Variants in CDC34 observed in about 807,000 individuals in gnomAD.
CDC34 encodes ubiquitin-conjugating enzyme E2 R1.
Under a neutral mutation model 26.8 loss-of-function variants are expected in CDC34, and 18 were observed. The observed-to-expected ratio is 0.67, with a 90% CI of 0.47 to 1.00. CDC34 has a LOEUF of 1.00. Ranked by LOEUF, CDC34 falls within the 50% of genes least tolerant of loss-of-function variation. CDC34 has a pLI of 0.00. For missense variants in CDC34, 280 were observed against 334.5 expected (o/e 0.84, Z 1.27); for synonymous variants, 178 against 147.5 (o/e 1.21, Z -1.50).
chr19:538,961 G>GGCCACCTCCCTGAGGC (rs1979889213), intron 4 of CDC34: 2 of 985,276 alleles, frequency 2.0e-6, no homozygotes, highest in African/African-American at 3.5e-5. Flanking sequence ...GGTTCTTCCC[G>GGCCACCTCCCTGAGGC]GCCACCTCCC....
rs1270054401 is a variant in CDC34 at position 537,608 on chromosome 19, TC to T, written c.497+464del. ...ACCTCGTGATCCATCTGCCTCGGCC[TC>T]CCAAAGTGCAGGGATTACAGGCGTG... On this transcript the variant is annotated intron_variant, in intron 4 of 4. Coordinates refer to ENST00000215574, the MANE Select transcript of CDC34 (RefSeq NM_004359.2). Among the ~76,000 whole-genome samples the T allele has an allele frequency of 3.2e-4, 46 of 141,850 alleles. 1 individual carries two copies. The Admixed American group carries it at 3.3e-3, about 10-fold the overall frequency. The allele number at this position is 141,850 out of a possible 152,430, so 93.1% of individuals were successfully genotyped here.
chr19:531,836 T>G lies in CDC34; in HGVS notation c.-96T>G, dbSNP rs1979499206. ...GGAGGCAGGCGGCGGCCCCGGTGGCTCCCCCCCGGACGGTGCGCGGCCCGG... is the reference window on the plus strand; with the variant it reads ...GGAGGCAGGCGGCGGCCCCGGTGGCGCCCCCCCGGACGGTGCGCGGCCCGG... On this transcript the variant is annotated 5_prime_UTR_variant, in exon 1 of 5. Coordinates refer to ENST00000215574, the MANE Select transcript of CDC34 (RefSeq NM_004359.2). 1.4e-6 allele frequency: 1 copy of G among 705,886 alleles called. No individual in the cohort carries two copies. The highest frequency in any genetic ancestry group is 6.4e-5 in the South Asian group (1 of 15,508). The allele number at this position is 705,886 out of a possible 1,614,324, so 43.7% of individuals were successfully genotyped here.
intron 4 of CDC34, 58 bp from the exon 5 acceptor site, chr19:541,269 GGGGAGGGGGGCC>G: frequency 6.8e-7 from 1 of 1,459,898 alleles, no homozygotes. Flanking sequence ...GTCGGACCTG[GGGGAGGGGGGCC>G]GGGCAGGGGC....
intron 4 of CDC34, among the ~76,000 whole-genome samples, chr19:537,518 A>T: frequency 6.6e-6 from 1 of 151,798 alleles, no homozygotes; most frequent in East Asian, 1.9e-4. Flanking sequence ...ACGCCCGGCT[A>T]ATTTTTTGTA....
chr19:539,369 G>A (rs1417647516), intron 4 of CDC34, among the ~76,000 whole-genome samples: 1 of 145,700 alleles, frequency 6.9e-6, no homozygotes, highest in Admixed American at 7.0e-5. Context: ...CGTCCACCCT[G>A]GCCCTCCCCT....
intron 1 of CDC34, 32 bp from the exon 2 acceptor site, chr19:535,805 T>G: frequency 1.9e-6 from 3 of 1,569,162 alleles, no homozygotes; most frequent in Non-Finnish European, 2.6e-6. Flanking sequence ...GGGGCTGGGC[T>G]GGACTGAGCC....
chr19:539,691 C>T (rs953112247), intron 4 of CDC34, among the ~76,000 whole-genome samples: 4 of 152,278 alleles, frequency 2.6e-5, no homozygotes, highest in Admixed American at 6.5e-5. Context: ...GATAGGGGCT[C>T]GAGCCCATTG....
Position 536,981 on chromosome 19 carries a change from G to C in CDC34, c.363-32G>C, listed in dbSNP as rs776334230. On this transcript the variant is annotated intron_variant, in intron 3 of 4. Transcript: ENST00000215574. The stretch of plus-strand genomic sequence containing the variant: ...AGAGCCGGAAGGCTGGGGTGCCCCG[G>C]GCCGCCCCACTCCGACCCACTCTCC... The C allele has an allele frequency of 5.0e-6, 8 of 1,612,814 alleles. No homozygotes were observed. The South Asian group carries it at 8.8e-5, about 18-fold the overall frequency.
rs878856313 is a variant in CDC34, at chr19:536,048, C to T, written c.264+125C>T. 1,216 of 1,104,914 alleles carry T rather than the reference C, an allele frequency of 1.1e-3. 3 individuals carry two copies. The highest frequency in any genetic ancestry group is 1.3e-3 in the Non-Finnish European group (971 of 738,750). 68.4% of individuals were successfully genotyped at this position (1,104,914 alleles called of 1,614,324 possible). ...CCTCACGTCCTCGTCCTCCGGGACC[C>T]GGGGCGCTGGGAGCCTCACGTCCTC... On this transcript the variant is annotated intron_variant, in intron 2 of 4. Coordinates refer to ENST00000215574, the MANE Select transcript of CDC34 (RefSeq NM_004359.2).
chr19:534,247 G>A (rs988188845), intron 1 of CDC34, among the ~76,000 whole-genome samples: 1 of 152,046 alleles, frequency 6.6e-6, no homozygotes, highest in Non-Finnish European at 1.5e-5. Flanking sequence ...TGTGGCCGCG[G>A]CCAAGTCACT....
chr19:538,932 G>T, intron 4 of CDC34: 9 of 985,356 alleles, frequency 9.1e-6, no homozygotes, highest in Non-Finnish European at 1.1e-5. Flanking sequence ...CCTGGCCCAG[G>T]TGGCTGGCTC....
intron 3 of CDC34, 161 bp from the exon 4 acceptor site, chr19:536,852 C>T: frequency 1.4e-6 from 1 of 736,566 alleles, no homozygotes; most frequent in South Asian, 1.7e-5. Context: ...CAGGTCCAGC[C>T]CCTGCTGTTC....
At chr19:540,866 G>A (rs961370971) in intron 4 of CDC34, among the ~76,000 whole-genome samples, 4 of 152,074 alleles carry the variant, frequency 2.6e-5, no homozygotes, top group East Asian at 1.9e-4. Flanking sequence ...CTGAGGCCAC[G>A]GAGAGGCTCA....
At chr19:536,193 G>T in intron 2 of CDC34, 50 bp from the exon 3 acceptor site, 1 of 1,435,090 alleles carries the variant, frequency 7.0e-7, no homozygotes, top group Non-Finnish European at 9.6e-7. Context: ...GGGGCACTGG[G>T]AGCCCGTGCT....
chr19:532,706 G>A (rs1221660197), intron 1 of CDC34, among the ~76,000 whole-genome samples: 4 of 152,248 alleles, frequency 2.6e-5, no homozygotes, highest in Non-Finnish European at 5.9e-5. Context: ...GCCAGGACCC[G>A]CCTGGAAAGC....
At position 535,894 on chromosome 19, in the gene CDC34, A is replaced by G; in HGVS notation, c.235A>G (p.Thr79Ala). 1 of 1,613,882 alleles carries G rather than the reference A, an allele frequency of 6.2e-7. No individual in the cohort carries two copies. Among genetic ancestry groups the G allele is most frequent in the Non-Finnish European group, 8.5e-7 (1 of 1,179,962 alleles). Reference protein sequence around the residue: ...PYSPPAFRFLTKMWHPNIYET... With the variant: ...PYSPPAFRFLAKMWHPNIYET... The stretch of plus-strand genomic sequence containing the variant: ...CTCTCCACCAGCCTTTCGGTTCCTG[A>G]CCAAGATGTGGCACCCTAACATCTA... The change falls in exon 2 of 5, where the codon ACC becomes GCC. Residue 79 changes from threonine to alanine, a missense_variant. Physicochemically the swap from Thr to Ala is moderately conservative, Grantham distance 58 (BLOSUM62 0). Transcript: ENST00000215574.
At chr19:535,964 G>A (rs1979719353) in intron 2 of CDC34, 41 bp downstream of exon 2, 6 of 1,569,730 alleles carry the variant, frequency 3.8e-6, no homozygotes, top group Non-Finnish European at 5.3e-6. Context: ...TCATCCTCCG[G>A]GACCCAGGGT....
At chr19:539,017 A>G (rs999094949) in intron 4 of CDC34, 4 of 984,892 alleles carry the variant, frequency 4.1e-6, no homozygotes, top group Admixed American at 6.1e-5. Context: ...TAAAAGCCAC[A>G]CTATTTTTAT....
chr19:536,754 G>A, intron 3 of CDC34: 1 of 563,948 alleles, frequency 1.8e-6, no homozygotes, highest in Non-Finnish European at 3.2e-6. Context: ...GGCAGGACGT[G>A]CGGGTGTGAG....
Sources: allele counts gnomAD v4.1 joint callset (sites outside exome capture counted in the v4.1 genomes callset), GRCh38; gene constraint gnomAD v4.1.1; transcripts MANE v1.5; gene names NCBI Gene and HGNC (gene_info 2026-07-23, HGNC 2026-07-21).